Variants in GPR158 observed in about 807,000 individuals in gnomAD.
GPR158 encodes metabotropic glycine receptor.
A neutral mutation model predicts 78.2 loss-of-function variants in GPR158; 30 were observed. The observed-to-expected ratio is 0.38, with a 90% CI of 0.29 to 0.52. The LOEUF is 0.52. Ranked by LOEUF, GPR158 falls within the 20% of genes least tolerant of loss-of-function variation. GPR158 has a pLI of 0.83. For missense variants in GPR158, 1,463 were observed against 1,523.5 expected, an observed-to-expected ratio of 0.96 and a Z score of 0.66; for synonymous variants, 581 against 591.1, an observed-to-expected ratio of 0.98 and a Z score of 0.25.
At chr10:25,203,205 C>T (rs1852961616) in intron 1 of GPR158, among the ~76,000 whole-genome samples, 2 of 152,132 alleles carry the variant, frequency 1.3e-5, no homozygotes, top group African/African-American at 2.4e-5. Context: ...CTGTAGGTTG[C>T]CTGTTCACTC....
At chr10:25,328,236 T>C (rs1855064394) in intron 2 of GPR158, among the ~76,000 whole-genome samples, 1 of 152,206 alleles carries the variant, frequency 6.6e-6, no homozygotes, top group African/African-American at 2.4e-5. Flanking sequence ...CCTCACAATT[T>C]TCTATCCTAG....
intron 5 of GPR158, among the ~76,000 whole-genome samples, chr10:25,480,925 A>G (rs937435401): frequency 6.6e-6 from 1 of 152,140 alleles, no homozygotes; most frequent in African/African-American, 2.4e-5. Context: ...TAGTACTGGA[A>G]GACACCTTCG....
At chr10:25,368,622 T>C (rs1833936107) in intron 2 of GPR158, among the ~76,000 whole-genome samples, 1 of 151,906 alleles carries the variant, frequency 6.6e-6, no homozygotes, top group Non-Finnish European at 1.5e-5. Flanking sequence ...GGACTGCTTA[T>C]ACTCTGTTGG....
intron 5 of GPR158, among the ~76,000 whole-genome samples, chr10:25,497,311 A>T (rs1239930283): frequency 2.0e-5 from 3 of 152,212 alleles, no homozygotes; most frequent in Non-Finnish European, 4.4e-5. Flanking sequence ...TGGACTTAAC[A>T]TGTATACTGG....
At position 25,194,151 on chromosome 10, in the gene GPR158, G is replaced by A. The variant is rs371155385; in HGVS notation, c.902+17829G>A. On this transcript the variant is annotated intron_variant, in intron 1 of 10. Coordinates refer to ENST00000376351, the MANE Select transcript of GPR158 (RefSeq NM_020752.3). ...TTATCTGGCATTTCTTGACACACAC[G>A]TTGCTGCTTTTTTATGGTGGGGTCT... Among the ~76,000 whole-genome samples the A allele has an allele frequency of 1.4e-3, 209 of 152,266 alleles. 6 individuals carry two copies. The South Asian group carries it at 0.038, about 28-fold the overall frequency.
intron 2 of GPR158, among the ~76,000 whole-genome samples, chr10:25,363,408 A>G (rs867223210): frequency 6.6e-6 from 1 of 151,890 alleles, no homozygotes; most frequent in South Asian, 2.1e-4. Context: ...CACTTGTTAG[A>G]TGTGTGACCT....
At chr10:25,390,328 TG>T (rs1342099731) in intron 2 of GPR158, among the ~76,000 whole-genome samples, 1 of 152,236 alleles carries the variant, frequency 6.6e-6, no homozygotes, top group African/African-American at 2.4e-5. Flanking sequence ...CAGAAGGCTG[TG>T]GGAAAGTGTG....
intron 5 of GPR158, among the ~76,000 whole-genome samples, chr10:25,499,938 A>C (rs1352182505): frequency 6.6e-6 from 1 of 152,194 alleles, no homozygotes; most frequent in African/African-American, 2.4e-5. Flanking sequence ...TGGTGACCAT[A>C]GGGAGCTGGA....
chr10:25,346,088 A>T (rs1001143138), intron 2 of GPR158, among the ~76,000 whole-genome samples: 1 of 151,952 alleles, frequency 6.6e-6, no homozygotes, highest in African/African-American at 2.4e-5. Context: ...GTCACTCCTC[A>T]GTGGACTTAG....
rs977757831 is a variant in GPR158, at chr10:25,598,607, C to T, written c.2981C>T (p.Thr994Ile). 3 of 1,613,968 alleles carry T rather than the reference C, an allele frequency of 1.9e-6. No homozygotes were observed. Among genetic ancestry groups the T allele is most frequent in the Non-Finnish European group, 2.5e-6 (3 of 1,180,016 alleles). ...TTANSDLNPG[T>I]TQMKDNFDIG... Reference sequence around the variant, plus strand: ...GCCAATTCTGACCTGAACCCAGGCACCACCCAGATGAAGGACAACTTTGAC... The same window carrying T: ...GCCAATTCTGACCTGAACCCAGGCATCACCCAGATGAAGGACAACTTTGAC... The change falls in exon 11 of 11, where the codon ACC (threonine) becomes ATC (isoleucine). Residue 994 changes from threonine (T) to isoleucine (I), a missense_variant. Coordinates refer to ENST00000376351, the MANE Select transcript of GPR158 (RefSeq NM_020752.3).
intron 8 of GPR158, among the ~76,000 whole-genome samples, chr10:25,593,249 A>C (rs146258846): frequency 4.1e-4 from 62 of 152,194 alleles, no homozygotes; most frequent in African/African-American, 1.4e-3. Flanking sequence ...GAAAGAAATC[A>C]TCTTGATGAC....
chr10:25,469,447 T>C (rs1284823824), intron 5 of GPR158, among the ~76,000 whole-genome samples: 2 of 152,110 alleles, frequency 1.3e-5, no homozygotes, highest in African/African-American at 4.8e-5. Flanking sequence ...CTAGGACTCA[T>C]TATTGATACC....
chr10:25,388,820 C>T (rs986196648), intron 2 of GPR158, among the ~76,000 whole-genome samples: 2 of 152,240 alleles, frequency 1.3e-5, no homozygotes, highest in African/African-American at 2.4e-5. Flanking sequence ...CTTGCCCACA[C>T]AGGCTTGGAG....
intron 5 of GPR158, among the ~76,000 whole-genome samples, chr10:25,535,002 T>C (rs903299331): frequency 1.1e-4 from 16 of 152,198 alleles, no homozygotes; most frequent in Non-Finnish European, 2.1e-4. Flanking sequence ...TGGATTTCTT[T>C]TCTTGCTTTC....
chr10:25,293,832 G>A (rs1316214180), intron 2 of GPR158, among the ~76,000 whole-genome samples: 4 of 150,570 alleles, frequency 2.7e-5, no homozygotes, highest in Admixed American at 2.0e-4. Context: ...TGAAACCTCC[G>A]CCTCCTGGGT....
At chr10:25,228,669 T>G (rs1853406386) in intron 2 of GPR158, among the ~76,000 whole-genome samples, 1 of 152,128 alleles carries the variant, frequency 6.6e-6, no homozygotes. Context: ...CAGCCAATGT[T>G]TTTTTCCCCC....
intron 4 of GPR158, among the ~76,000 whole-genome samples, chr10:25,447,539 T>C (rs901006167): frequency 6.6e-6 from 1 of 152,172 alleles, no homozygotes; most frequent in Non-Finnish European, 1.5e-5. Flanking sequence ...CTTTGCAAAG[T>C]GATCAGATAG....
chr10:25,285,311 GTGTC>G (rs771338644), intron 2 of GPR158, among the ~76,000 whole-genome samples: 76 of 152,148 alleles, frequency 5.0e-4, no homozygotes, highest in Middle Eastern at 3.4e-3. Context: ...ATGTATGTAT[GTGTC>G]TGTCTGTCAT....
intron 5 of GPR158, among the ~76,000 whole-genome samples, chr10:25,495,453 C>T (rs529143880): frequency 2.4e-4 from 36 of 151,602 alleles, no homozygotes; most frequent in African/African-American, 6.5e-4. Flanking sequence ...CCATCACGCC[C>T]GGCCAATTTT....
Sources: allele counts gnomAD v4.1 joint callset (sites outside exome capture counted in the v4.1 genomes callset), GRCh38; gene constraint gnomAD v4.1.1; transcripts MANE v1.5; gene names NCBI Gene and HGNC (gene_info 2026-07-23, HGNC 2026-07-21).